CEP192: variants seen among roughly 807,000 people sequenced by gnomAD.
CEP192 encodes centrosomal protein 192.
In CEP192, 151 loss-of-function variants were observed where a neutral mutation model predicts 271.8. That is an observed-to-expected ratio of 0.56 (90% CI 0.49 to 0.64). The LOEUF (loss-of-function observed/expected upper bound fraction) is 0.64, where lower values mean the gene tolerates loss of function less well. CEP192 is among the 30% of genes least tolerant of loss of function. CEP192 has a pLI of 0.00. For missense variants in CEP192, 2,910 were observed against 3,020.5 expected, an observed-to-expected ratio of 0.96 and a Z score of 0.86; for synonymous variants, 995 against 1,076.5, an observed-to-expected ratio of 0.92 and a Z score of 1.48.
chr18:13,045,558 A>T (rs546594420), intron 15 of CEP192, among the ~76,000 whole-genome samples: 2 of 152,324 alleles, frequency 1.3e-5, no homozygotes, highest in East Asian at 3.9e-4. Flanking sequence ...GGTGAGATTT[A>T]AATCGGAATG....
chr18:13,120,435 TAA>T (rs112269722), intron 44 of CEP192, among the ~76,000 whole-genome samples: 107 of 152,312 alleles, frequency 7.0e-4, no homozygotes, highest in African/African-American at 2.5e-3. Context: ...TGCTTGAAAT[TAA>T]GAGTCATAAA....
At chr18:13,055,658 A>T in intron 18 of CEP192, 122 bp from the exon 19 acceptor site, 1 of 642,792 alleles carries the variant, frequency 1.6e-6, no homozygotes, top group Non-Finnish European at 2.5e-6. Context: ...GTGTAAACCA[A>T]TTTTTTTTCA....
At position 13,010,581 on chromosome 18, in the gene CEP192, T is replaced by C. The variant is rs1599057035; in HGVS notation, c.466+1950T>C. Among the ~76,000 whole-genome samples the C allele has an allele frequency of 3.9e-5, 6 of 152,304 alleles. No homozygotes were observed. In the South Asian group the frequency reaches 1.2e-3, roughly 32 times the overall value. On this transcript the variant is annotated intron_variant, in intron 4 of 44. Coordinates refer to ENST00000506447, the MANE Select transcript of CEP192 (RefSeq NM_032142.4). ...AAAAGACGGGGCCGGGCACGGTGGC[T>C]CACACCGGTAATCTCAGCACTTTGG...
Position 13,069,120 on chromosome 18 carries a change from C to G in CEP192, c.4994C>G (p.Ser1665Ter), listed in dbSNP as rs1179701588. Reference protein sequence around the residue: ...TMHFLAKVASSRKQHLPLKNA... With the variant: ...TMHFLAKVAS ...CATTTCTTGGCCAAAGTGGCTTCCT[C>G]AAGAAAGCAGCACTTACCTTTGAAA... The change falls in exon 26 of 45, where the codon TCA becomes TGA. Residue 1665 changes from serine to a stop codon, truncating the protein, a stop_gained. Transcript: ENST00000506447. LOFTEE classifies it high-confidence loss of function. The G allele has an allele frequency of 1.9e-6, 3 of 1,614,162 alleles. No individual in the cohort carries two copies. In the East Asian group the frequency reaches 6.7e-5, roughly 36 times the overall value.
At chr18:13,114,386 T>G in intron 42 of CEP192, 135 bp downstream of exon 42, 2 of 910,366 alleles carry the variant, frequency 2.2e-6, no homozygotes, top group Non-Finnish European at 3.3e-6. Context: ...AATATTCCTC[T>G]CGCCCAGAAA....
intron 15 of CEP192, among the ~76,000 whole-genome samples, chr18:13,047,702 G>T (rs540490030): frequency 1.3e-3 from 201 of 152,108 alleles, no homozygotes; most frequent in East Asian, 5.0e-3. Flanking sequence ...TGTATTTTTT[G>T]TTGTTGTTGT....
intron 38 of CEP192, among the ~76,000 whole-genome samples, chr18:13,100,890 C>A (rs1343416375): frequency 6.6e-6 from 1 of 152,198 alleles, no homozygotes; most frequent in African/African-American, 2.4e-5. Flanking sequence ...GTCCAATAGA[C>A]TTGCTCAGTT....
chr18:13,050,588 CT>C (rs1393025370), intron 17 of CEP192, among the ~76,000 whole-genome samples: 9 of 140,676 alleles, frequency 6.4e-5, no homozygotes, highest in Non-Finnish European at 1.4e-4. Context: ...TTTTTTTTTT[CT>C]TTTTTTTTCC....
chr18:13,075,120 C>T (rs1406574550), intron 30 of CEP192, among the ~76,000 whole-genome samples: 1 of 152,170 alleles, frequency 6.6e-6, no homozygotes, highest in African/African-American at 2.4e-5. Flanking sequence ...GTGTTTAGGT[C>T]ATGAGGCTCT....
At chr18:13,088,870 A>C (rs1473225723) in intron 32 of CEP192, 1 of 440,832 alleles carries the variant, frequency 2.3e-6, no homozygotes, top group East Asian at 7.0e-5. Flanking sequence ...TATTTTGGAA[A>C]TAGAAACTGA....
chr18:13,013,845 G>C (rs1274891978), intron 5 of CEP192, among the ~76,000 whole-genome samples: 10 of 152,242 alleles, frequency 6.6e-5, no homozygotes, highest in Non-Finnish European at 1.2e-4. Flanking sequence ...TACACCTTTT[G>C]TAAGAGTTGT....
In CEP192 at chr18:13,104,981, C is replaced by T. The variant is rs1466070009; in HGVS notation, c.6952-3C>T. On this transcript the variant is annotated splice_region_variant and splice_polypyrimidine_tract_variant and intron_variant, in intron 39 of 44. Coordinates refer to ENST00000506447, the MANE Select transcript of CEP192 (RefSeq NM_032142.4). ...TTAATTTGTTTAAATGATTGCTTTG[C>T]AGGGAGTTGATGAAAGTGGAGATGT... is the stretch of plus-strand genomic sequence containing the variant. The T allele has an allele frequency of 6.2e-7, 1 of 1,604,624 alleles. No individual in the cohort carries two copies. The highest frequency in any genetic ancestry group is 8.5e-7 in the Non-Finnish European group (1 of 1,171,448).
chr18:13,028,840 A>G (rs1208686511), intron 9 of CEP192, among the ~76,000 whole-genome samples: 1 of 152,130 alleles, frequency 6.6e-6, no homozygotes, highest in Admixed American at 6.5e-5. Context: ...TTTTTATATA[A>G]TAATGTTGGC....
rs568276807 is a variant in CEP192, at chr18:13,016,628, G to A, written c.641-560G>A. Among the ~76,000 whole-genome samples, 7 of 152,274 alleles carry A rather than the reference G, an allele frequency of 4.6e-5. No individual in the cohort carries two copies. The South Asian group carries it at 1.5e-3, about 32-fold the overall frequency. The stretch of plus-strand genomic sequence containing the variant: ...AATTGCTAAGACATAGGTGATGAGT[G>A]TTGTTGAGACTCTTAATGTTGATTG... On this transcript the variant is annotated intron_variant, in intron 6 of 44. Transcript: ENST00000506447.
Position 13,087,960 on chromosome 18 carries a change from A to G in CEP192, c.5993+314A>G, listed in dbSNP as rs189515460. On this transcript the variant is annotated intron_variant, in intron 32 of 44. Transcript: ENST00000506447. ...ATTTCCGTAATGTACTCTTGATGACATGTTAAGTGACAGTGTCAGTTTTAT... is the reference window on the plus strand; with the variant it reads ...ATTTCCGTAATGTACTCTTGATGACGTGTTAAGTGACAGTGTCAGTTTTAT... Among the ~76,000 whole-genome samples the G allele has an allele frequency of 2.2e-4, 33 of 152,314 alleles. No individual in the cohort carries two copies. In the East Asian group the frequency reaches 5.6e-3, roughly 26 times the overall value.
At chr18:13,021,433 A>G (rs2034989336) in intron 9 of CEP192, among the ~76,000 whole-genome samples, 1 of 152,146 alleles carries the variant, frequency 6.6e-6, no homozygotes, top group Admixed American at 6.5e-5. Flanking sequence ...CATGTATGTG[A>G]GGGTTTATTT....
At chr18:12,995,717 G>T (rs2033187459) in intron 1 of CEP192, among the ~76,000 whole-genome samples, 1 of 152,218 alleles carries the variant, frequency 6.6e-6, no homozygotes, top group Non-Finnish European at 1.5e-5. Flanking sequence ...GGGAAAGGAG[G>T]TTGGGAAGTG....
intron 1 of CEP192, among the ~76,000 whole-genome samples, chr18:12,995,915 GGT>G (rs2033202114): frequency 6.6e-6 from 1 of 152,192 alleles, no homozygotes; most frequent in African/African-American, 2.4e-5. Flanking sequence ...ACAGCAGGGA[GGT>G]TAGGATGACT....
At chr18:13,084,609 G>T (rs1036711853) in intron 30 of CEP192, among the ~76,000 whole-genome samples, 2 of 152,142 alleles carry the variant, frequency 1.3e-5, no homozygotes, top group African/African-American at 4.8e-5. Flanking sequence ...CCCTGCTTCA[G>T]CTCACCCTCC....
Sources: allele counts gnomAD v4.1 joint callset (sites outside exome capture counted in the v4.1 genomes callset), GRCh38; gene constraint gnomAD v4.1.1; transcripts MANE v1.5; gene names NCBI Gene and HGNC (gene_info 2026-07-23, HGNC 2026-07-21).